The following SHISA9 variants were observed in gnomAD, a reference collection of about 807,000 sequenced individuals.
SHISA9 encodes protein shisa-9.
Under a neutral mutation model 38.0 loss-of-function variants are expected in SHISA9, and 13 were observed. That is an observed-to-expected ratio of 0.34 (90% confidence interval 0.22 to 0.54). The LOEUF (loss-of-function observed/expected upper bound fraction) is 0.54. Among genes scored for constraint, SHISA9 ranks in the 20% least tolerant of loss-of-function variants. SHISA9 has a pLI of 0.91. For missense variants in SHISA9, 538 were observed against 575.8 expected (o/e 0.93, Z 0.67); for synonymous variants, 275 against 242.0 (o/e 1.14, Z -1.27).
At chr16:13,327,193 C>G in the SHISA9 span, among the ~76,000 whole-genome samples, 1 of 152,180 alleles carries the variant, frequency 6.6e-6, no homozygotes, top group Admixed American at 6.5e-5. Flanking sequence ...GCCTTTCTCC[C>G]TGCCCGCTGC....
chr16:13,479,912 T>C, the SHISA9 span, among the ~76,000 whole-genome samples: 1 of 152,252 alleles, frequency 6.6e-6, no homozygotes, highest in African/African-American at 2.4e-5. Context: ...GAAGATAGAA[T>C]AGCGTCTGTT....
the SHISA9 span, among the ~76,000 whole-genome samples, chr16:13,533,537 G>A: frequency 4.1e-4 from 62 of 152,046 alleles, no homozygotes; most frequent in African/African-American, 1.2e-3. Context: ...CCATCCTCTC[G>A]TATAAGGACC....
At chr16:13,124,956 C>A (rs1051588295) in intron 2 of SHISA9, among the ~76,000 whole-genome samples, 1 of 152,096 alleles carries the variant, frequency 6.6e-6, no homozygotes, top group Non-Finnish European at 1.5e-5. Flanking sequence ...TCACCATATA[C>A]CAAAATCAAA....
At chr16:12,970,407 A>ATATATATACATATATGTG (rs1567357074) in intron 2 of SHISA9, among the ~76,000 whole-genome samples, 3 of 14,954 alleles carry the variant, frequency 2.0e-4, no homozygotes, top group Non-Finnish European at 3.9e-4. Context: ...ATATATACAT[A>ATATATATACATATATGTG]TATATATATA....
chr16:13,068,481 A>C (rs2073460328), intron 2 of SHISA9, among the ~76,000 whole-genome samples: 1 of 152,186 alleles, frequency 6.6e-6, no homozygotes, highest in African/African-American at 2.4e-5. Context: ...TACTCCTCTT[A>C]CAGCACTGAA....
Position 12,975,036 on chromosome 16 carries a change from C to G in SHISA9, c.691+58221C>G, listed in dbSNP as rs79797032. 9.1e-3 allele frequency among the ~76,000 whole-genome samples: 1,388 copies of G among 152,164 alleles called. 16 individuals carry two copies. The highest frequency in any genetic ancestry group is 0.019 in the Admixed American group (287 of 15,278). On this transcript the variant is annotated intron_variant, in intron 2 of 4. Coordinates refer to ENST00000558583, the MANE Select transcript of SHISA9 (RefSeq NM_001145204.3). ...TATTTTAATTAATTGATTAATTAAT[C>G]CATCTGACAAATATTTGTTGAGCAC... is the stretch of plus-strand genomic sequence containing the variant.
At chr16:13,001,336 C>T (rs1361738696) in intron 2 of SHISA9, among the ~76,000 whole-genome samples, 2 of 152,274 alleles carry the variant, frequency 1.3e-5, no homozygotes, top group East Asian at 3.9e-4. Context: ...CCTCCCTCTC[C>T]TCCCTGGGCT....
chr16:12,958,488 C>A (rs2071865693), intron 2 of SHISA9, among the ~76,000 whole-genome samples: 2 of 152,142 alleles, frequency 1.3e-5, no homozygotes, highest in Non-Finnish European at 2.9e-5. Context: ...AGAGTGTGGG[C>A]CTCAGTTCAG....
At chr16:13,384,765 T>C in the SHISA9 span, among the ~76,000 whole-genome samples, 21 of 152,260 alleles carry the variant, frequency 1.4e-4, no homozygotes, top group Admixed American at 1.0e-3. Flanking sequence ...ATTTGATTTT[T>C]AAATTAATAT....
chr16:13,475,257 G>T, the SHISA9 span, among the ~76,000 whole-genome samples: 1 of 151,846 alleles, frequency 6.6e-6, no homozygotes. Context: ...AGGAATCAAG[G>T]ATTGATGTTA....
the SHISA9 span, among the ~76,000 whole-genome samples, chr16:13,465,795 T>C: frequency 3.3e-5 from 5 of 152,244 alleles, no homozygotes; most frequent in African/African-American, 1.2e-4. Flanking sequence ...AACGATTTAG[T>C]GTAGAGGCTG....
intron 3 of SHISA9, among the ~76,000 whole-genome samples, chr16:13,210,829 G>A (rs1038588859): frequency 1.3e-5 from 2 of 152,220 alleles, no homozygotes; most frequent in African/African-American, 4.8e-5. Flanking sequence ...TCATATTCAA[G>A]AGTGCTTGAC....
intron 2 of SHISA9, among the ~76,000 whole-genome samples, chr16:13,137,037 CAT>C (rs2050355829): frequency 6.6e-6 from 1 of 152,202 alleles, no homozygotes; most frequent in South Asian, 2.1e-4. Flanking sequence ...TGATGACACA[CAT>C]GATACCACCT....
At chr16:13,472,608 G>T in the SHISA9 span, among the ~76,000 whole-genome samples, 3 of 151,860 alleles carry the variant, frequency 2.0e-5, no homozygotes, top group Non-Finnish European at 4.4e-5. Flanking sequence ...TAGCCAGGAA[G>T]ATCTTGATCT....
intron 2 of SHISA9, among the ~76,000 whole-genome samples, chr16:12,936,340 C>G (rs1467750581): frequency 6.6e-6 from 1 of 152,140 alleles, no homozygotes; most frequent in Non-Finnish European, 1.5e-5. Flanking sequence ...GTTTCCATGG[C>G]TGGAGTAGGA....
the SHISA9 span, among the ~76,000 whole-genome samples, chr16:13,506,528 T>G: frequency 6.6e-5 from 10 of 152,034 alleles, no homozygotes; most frequent in African/African-American, 2.4e-4. Context: ...AAAAGATAAC[T>G]TGAGCAAAAG....
the SHISA9 span, among the ~76,000 whole-genome samples, chr16:13,535,899 T>A: frequency 6.6e-6 from 1 of 152,238 alleles, no homozygotes; most frequent in Admixed American, 6.5e-5. Context: ...AACTACAGCT[T>A]CACTTCCTAT....
intron 2 of SHISA9, among the ~76,000 whole-genome samples, chr16:12,970,357 A>ATATATGTATATATATATATACATATATG (rs1567356863): frequency 1.8e-4 from 12 of 66,718 alleles, no homozygotes; most frequent in African/African-American, 5.0e-4. Flanking sequence ...ATATGTGTAT[A>ATATATGTATATATATATATACATATATG]TATATATATA....
At chr16:13,223,842 T>G (rs113071006) in intron 4 of SHISA9, among the ~76,000 whole-genome samples, 3,893 of 152,286 alleles carry the variant, frequency 0.026, 63 homozygotes, top group Non-Finnish European at 0.038. Context: ...AGAAGCAATA[T>G]TCATTGTCCA....
Sources: gnomAD v4.1 joint callset for allele counts (sites outside exome capture counted in the v4.1 genomes callset) on GRCh38, gnomAD v4.1.1 for gene constraint, MANE v1.5 for transcripts, NCBI Gene and HGNC (gene_info 2026-07-23, HGNC 2026-07-21) for gene names.